Variants in USH2A observed in about 807,000 individuals in gnomAD.
USH2A encodes the protein Usher syndrome 2A (autosomal recessive, mild).
USH2A carries 443 observed loss-of-function variants against 538.9 expected under a neutral mutation model. That is an observed-to-expected ratio of 0.82 (90% CI 0.76 to 0.89). The LOEUF is 0.89. Among genes scored for constraint, USH2A ranks in the 40% least tolerant of loss-of-function variants. The probability of loss-of-function intolerance (pLI) is 0.00; values close to 1 mark genes in which losing one functional copy is unlikely to be tolerated. For synonymous variants in USH2A, 2,413 were observed against 2,273.5 expected (o/e 1.06, Z -1.75); for missense variants, 6,633 against 6,324.8 (o/e 1.05, Z -1.65).
At chr1:215,758,286 C>CAAA (rs34577448) in intron 58 of USH2A, among the ~76,000 whole-genome samples, 1 of 135,244 alleles carries the variant, frequency 7.4e-6, no homozygotes. Context: ...AACTCCGTCT[C>CAAA]AAAAAAAAAA....
chr1:215,638,825 A>G (rs1006223354), intron 69 of USH2A, among the ~76,000 whole-genome samples: 2 of 151,232 alleles, frequency 1.3e-5, no homozygotes, highest in African/African-American at 4.9e-5. Context: ...AAAAATACAA[A>G]AAGTTAGCCA....
chr1:215,693,724 T>C (rs1240172122), intron 61 of USH2A, among the ~76,000 whole-genome samples: 1 of 152,178 alleles, frequency 6.6e-6, no homozygotes, highest in East Asian at 1.9e-4. Context: ...TCCTCATACA[T>C]CATGGAGCCT....
At chr1:215,880,755 C>G (rs1278230485) in intron 41 of USH2A, among the ~76,000 whole-genome samples, 1 of 152,174 alleles carries the variant, frequency 6.6e-6, no homozygotes, top group Non-Finnish European at 1.5e-5. Context: ...GGCTTTCTTG[C>G]CTCTTAGACC....
At chr1:215,999,206 A>C (rs1047626026) in intron 33 of USH2A, 148 bp from the exon 34 acceptor site, 2 of 739,932 alleles carry the variant, frequency 2.7e-6, no homozygotes, top group African/African-American at 1.8e-5. Context: ...TAAAACACTG[A>C]AGTAGTTATC....
At chr1:216,164,529 G>A (rs544696979) in intron 21 of USH2A, among the ~76,000 whole-genome samples, 5 of 152,120 alleles carry the variant, frequency 3.3e-5, no homozygotes, top group Non-Finnish European at 5.9e-5. Flanking sequence ...TGATTATGAA[G>A]ACAGGGGGAA....
intron 9 of USH2A, among the ~76,000 whole-genome samples, chr1:216,300,370 T>A (rs2037190847): frequency 1.3e-5 from 2 of 152,214 alleles, no homozygotes; most frequent in South Asian, 4.1e-4. Flanking sequence ...GATATGTCCC[T>A]GAATGCCCAA....
intron 27 of USH2A, among the ~76,000 whole-genome samples, chr1:216,075,871 C>T (rs1471048728): frequency 1.3e-5 from 2 of 148,490 alleles, no homozygotes; most frequent in Admixed American, 1.3e-4. Flanking sequence ...AAAAAAATAG[C>T]ACTAATATGA....
chr1:215,627,957 T>A (rs974753175), intron 71 of USH2A, among the ~76,000 whole-genome samples: 5 of 152,200 alleles, frequency 3.3e-5, no homozygotes, highest in African/African-American at 1.2e-4. Context: ...GCTCAGAGAC[T>A]GATAATAAAT....
intron 30 of USH2A, among the ~76,000 whole-genome samples, chr1:216,052,760 C>T (rs531818747): frequency 5.3e-5 from 8 of 152,292 alleles, no homozygotes; most frequent in Admixed American, 2.6e-4. Context: ...GTTGGAGACA[C>T]GTGGTTTATC....
At chr1:216,153,320 A>C (rs1210165493) in intron 21 of USH2A, among the ~76,000 whole-genome samples, 1 of 152,128 alleles carries the variant, frequency 6.6e-6, no homozygotes, top group Non-Finnish European at 1.5e-5. Context: ...ACCCCTAGAT[A>C]CTACCATGGG....
intron 54 of USH2A, among the ~76,000 whole-genome samples, chr1:215,781,251 A>C (rs1661626573): frequency 6.6e-6 from 1 of 152,152 alleles, no homozygotes; most frequent in South Asian, 2.1e-4. Context: ...CTGACCAGAT[A>C]TTTTCACATA....
At position 215,674,544 on chromosome 1, in the gene USH2A, C is replaced by A; in HGVS notation, c.13367G>T (p.Gly4456Val). Reference protein sequence around the residue: ...NMDSPTLQVTGSESIEITWKP... With the variant: ...NMDSPTLQVTVSESIEITWKP... ...CCAGGTGATTTCTATTGATTCTGAG[C>A]CTGTGACTTGCAATGTTGGAGAGTC... The change falls in exon 63 of 72, where the codon GGC becomes GTC. Residue 4456 changes from glycine to valine, a missense_variant. Coordinates refer to ENST00000307340, the MANE Select transcript of USH2A (RefSeq NM_206933.4). 2 of 1,614,124 alleles carry A rather than the reference C, an allele frequency of 1.2e-6. No individual in the cohort carries two copies. The highest frequency in any genetic ancestry group is 1.7e-6 in the Non-Finnish European group (2 of 1,180,008).
At chr1:215,918,276 C>T (rs560551345) in intron 38 of USH2A, among the ~76,000 whole-genome samples, 2 of 152,152 alleles carry the variant, frequency 1.3e-5, no homozygotes, top group South Asian at 4.2e-4. Flanking sequence ...TGGTCTATGT[C>T]CCTCCTATAA....
In USH2A at chr1:216,070,610, A is replaced by G. The variant is rs550961429; in HGVS notation, c.5858-318T>C. On this transcript the variant is annotated intron_variant, in intron 29 of 71. Coordinates refer to ENST00000307340, the MANE Select transcript of USH2A (RefSeq NM_206933.4). Reference sequence around the variant, plus strand: ...AGAAGGAGGTGGATGGTAGGCAGATAACAAGTTCAAGCAATATAATGATGT... The same window carrying G: ...AGAAGGAGGTGGATGGTAGGCAGATGACAAGTTCAAGCAATATAATGATGT... Among the ~76,000 whole-genome samples the G allele has an allele frequency of 3.1e-3, 467 of 152,278 alleles. 7 individuals carry two copies. Among genetic ancestry groups the G allele is most frequent in the Non-Finnish European group, 1.8e-3 (125 of 68,018 alleles).
chr1:216,038,815 G>A (rs1223507663), intron 32 of USH2A, among the ~76,000 whole-genome samples: 1 of 151,960 alleles, frequency 6.6e-6, no homozygotes, highest in African/African-American at 2.4e-5. Context: ...ACCTCTATTT[G>A]TAACACTTTC....
In USH2A at chr1:215,628,898, G is replaced by T; in HGVS notation, c.15435C>A (p.Val5145=). ...TYSQGSLHRS[V]SQLMDIQDKK... Reference sequence around the variant, plus strand: ...TGTCTTGAATGTCCATGAGCTGGCTGACGCTGCGGTGAAGAGAACCCTGGG... The same window carrying T: ...TGTCTTGAATGTCCATGAGCTGGCTTACGCTGCGGTGAAGAGAACCCTGGG... The change falls in exon 71 of 72, where the codon GTC becomes GTA. Residue 5145 remains valine, a synonymous_variant. Coordinates refer to ENST00000307340, the MANE Select transcript of USH2A (RefSeq NM_206933.4). The T allele has an allele frequency of 6.2e-7, 1 of 1,614,184 alleles. No individual in the cohort carries two copies. The highest frequency in any genetic ancestry group is 1.1e-5 in the South Asian group (1 of 91,084).
At chr1:215,681,617 T>C (rs1001180675) in intron 61 of USH2A, among the ~76,000 whole-genome samples, 5 of 152,180 alleles carry the variant, frequency 3.3e-5, no homozygotes, top group African/African-American at 1.2e-4. Flanking sequence ...AAATATCATT[T>C]TGGATAAAAT....
intron 38 of USH2A, among the ~76,000 whole-genome samples, chr1:215,916,525 G>A (rs1169171944): frequency 6.6e-6 from 1 of 151,972 alleles, no homozygotes; most frequent in Non-Finnish European, 1.5e-5. Context: ...ACGGAGAAAT[G>A]GTAAGAATAG....
chr1:215,794,641 T>G (rs1161660715), intron 50 of USH2A, among the ~76,000 whole-genome samples: 1 of 152,218 alleles, frequency 6.6e-6, no homozygotes, highest in East Asian at 1.9e-4. Flanking sequence ...ATTTTTTCCT[T>G]TGTAAAACTA....
Sources: gnomAD v4.1 joint callset for allele counts (sites outside exome capture counted in the v4.1 genomes callset) on GRCh38, gnomAD v4.1.1 for gene constraint, MANE v1.5 for transcripts, NCBI Gene and HGNC (gene_info 2026-07-23, HGNC 2026-07-21) for gene names.